Variants in FMN1 observed in about 807,000 individuals in gnomAD.
FMN1 encodes the protein formin 1.
A neutral mutation model predicts 132.4 loss-of-function variants in FMN1; 110 were observed. That is an observed-to-expected ratio of 0.83 (90% confidence interval 0.71 to 0.97). The LOEUF is 0.97. Ranked by LOEUF, FMN1 falls within the 50% of genes least tolerant of loss-of-function variation. The pLI is 0.00. For synonymous variants in FMN1, 722 were observed against 651.7 expected (o/e 1.11, Z -1.64); for missense variants, 1,792 against 1,705.3 (o/e 1.05, Z -0.90).
At chr15:33,172,825 T>C (rs1214159388) in intron 3 of FMN1, among the ~76,000 whole-genome samples, 1 of 152,068 alleles carries the variant, frequency 6.6e-6, no homozygotes, top group African/African-American at 2.4e-5. Context: ...AAAGTGTTTT[T>C]AAAAATAGAA....
intron 7 of FMN1, among the ~76,000 whole-genome samples, chr15:32,981,555 T>A (rs1305030310): frequency 2.0e-5 from 3 of 146,758 alleles, no homozygotes; most frequent in African/African-American, 7.5e-5. Context: ...TTATTATTAT[T>A]ATTATTATTA....
At chr15:33,130,953 A>G (rs1360038802) in intron 4 of FMN1, among the ~76,000 whole-genome samples, 1 of 152,250 alleles carries the variant, frequency 6.6e-6, no homozygotes, top group African/African-American at 2.4e-5. Flanking sequence ...TCTGTAGAGC[A>G]AACAATACTT....
chr15:32,803,694 C>A (rs9806641), intron 18 of FMN1, among the ~76,000 whole-genome samples: 36,665 of 152,036 alleles, frequency 0.24, 4,709 homozygotes, highest in Admixed American at 0.29. Context: ...CATAATAAGT[C>A]TCTTGGGTGT....
chr15:32,864,400 C>A (rs549046987), intron 16 of FMN1, among the ~76,000 whole-genome samples: 8 of 152,326 alleles, frequency 5.3e-5, no homozygotes, highest in African/African-American at 1.9e-4. Context: ...CCATTTTCTA[C>A]TAAATAGCCC....
intron 5 of FMN1, among the ~76,000 whole-genome samples, chr15:33,079,908 G>C (rs964046937): frequency 6.6e-6 from 1 of 152,126 alleles, no homozygotes; most frequent in Non-Finnish European, 1.5e-5. Flanking sequence ...AAATTGATCA[G>C]TTCATCCCTT....
rs1208856034 is a variant in FMN1 at position 32,769,811 on chromosome 15, C to G, written c.*4499G>C. The G allele has an allele frequency of 1.3e-5, 2 of 152,164 alleles. No homozygotes were observed. Among genetic ancestry groups the G allele is most frequent in the African/African-American group, 4.8e-5 (2 of 41,434 alleles). The allele number at this position is 152,164 out of a possible 1,614,324, so 9.4% of individuals were successfully genotyped here. On this transcript the variant is annotated 3_prime_UTR_variant, in exon 21 of 21. Transcript: ENST00000616417. Reference sequence around the variant, plus strand: ...GAATGAAAGTTCACTTCTTTATTCTCTCCACTCTCTTCAGTTGTAGGGTCC... The same window carrying G: ...GAATGAAAGTTCACTTCTTTATTCTGTCCACTCTCTTCAGTTGTAGGGTCC...
intron 7 of FMN1, among the ~76,000 whole-genome samples, chr15:32,983,881 G>C (rs1316466036): frequency 6.6e-6 from 1 of 152,166 alleles, no homozygotes; most frequent in Non-Finnish European, 1.5e-5. Flanking sequence ...AGGATCAGTA[G>C]TAATCCTCTA....
chr15:32,836,880 G>A (rs1040634309), intron 17 of FMN1: 3 of 165,334 alleles, frequency 1.8e-5, no homozygotes, highest in African/African-American at 7.2e-5. Flanking sequence ...GACGATCTGT[G>A]ATTAGATGAA....
Position 32,968,724 on chromosome 15 carries a change from T to C in FMN1, c.2977A>G (p.Ser993Gly). The change falls in exon 8 of 21, where the codon AGT (serine) becomes GGT (glycine). Residue 993 changes from serine (S) to glycine (G), a missense_variant. This residue lies in a region of FMN1 where 1,150 missense variants were observed against 1,043.1 expected (regional missense o/e 1.10). Coordinates refer to ENST00000616417, the MANE Select transcript of FMN1 (RefSeq NM_001277313.2). ...KPLYWTRIQISDRSQNATPTL... is the reference protein window; with the variant it reads ...KPLYWTRIQIGDRSQNATPTL... ...TAGGGGAGAACTTACCTCCTATCAC[T>C]TATTTGTATCCTAGTCCAATATAAA... The C allele has an allele frequency of 6.2e-7, 1 of 1,613,554 alleles. No individual in the cohort carries two copies. The highest frequency in any genetic ancestry group is 8.5e-7 in the Non-Finnish European group (1 of 1,179,696).
chr15:32,880,231 G>C (rs993222530), intron 16 of FMN1, among the ~76,000 whole-genome samples: 2 of 152,068 alleles, frequency 1.3e-5, no homozygotes, highest in Non-Finnish European at 2.9e-5. Flanking sequence ...CTGATATATG[G>C]AAACTCTGAT....
intron 6 of FMN1, among the ~76,000 whole-genome samples, chr15:33,013,597 G>A (rs1211218151): frequency 2.0e-5 from 3 of 152,082 alleles, no homozygotes; most frequent in Non-Finnish European, 4.4e-5. Context: ...AACATTAAAT[G>A]AAAGAAAAAA....
intron 9 of FMN1, among the ~76,000 whole-genome samples, chr15:32,961,378 C>T (rs2030526603): frequency 6.6e-6 from 1 of 152,100 alleles, no homozygotes; most frequent in African/African-American, 2.4e-5. Context: ...AGCTGATTCA[C>T]CCACCTCAGC....
chr15:32,930,706 A>G (rs540437384), intron 9 of FMN1, among the ~76,000 whole-genome samples: 1 of 148,246 alleles, frequency 6.7e-6, no homozygotes, highest in East Asian at 2.0e-4. Flanking sequence ...TGCATCTGTT[A>G]TTTTTGCTTT....
intron 4 of FMN1, among the ~76,000 whole-genome samples, chr15:33,137,329 G>A (rs1175212861): frequency 6.6e-6 from 1 of 152,134 alleles, no homozygotes; most frequent in Non-Finnish European, 1.5e-5. Flanking sequence ...CAGTAGCAAA[G>A]CACCTCTTCT....
Position 33,154,674 on chromosome 15 carries a change from T to C in FMN1, c.241A>G (p.Lys81Glu). 6.5e-7 allele frequency: 1 copy of C among 1,536,122 alleles called. No homozygotes were observed. Among genetic ancestry groups the C allele is most frequent in the Non-Finnish European group, 8.7e-7 (1 of 1,146,914 alleles). ...GDIFFKQTPT[K>E]DILTELYKLT... ...TTGTACAGCTCAGTTAGAATGTCTT[T>C]CGTGGGAGTCTGCTTGAAAAATATG... Residue 81 changes from lysine to glutamate, a missense_variant, in exon 4 of 21, where the codon AAA (lysine) becomes GAA (glutamate). Coordinates refer to ENST00000616417, the MANE Select transcript of FMN1 (RefSeq NM_001277313.2).
chr15:33,062,660 G>A (rs1013326260), intron 6 of FMN1: 18 of 152,050 alleles, frequency 1.2e-4, no homozygotes. Flanking sequence ...AAGAACAGTA[G>A]TCTATAATGA....
At chr15:32,856,205 A>G (rs763101625) in intron 17 of FMN1, among the ~76,000 whole-genome samples, 4 of 152,214 alleles carry the variant, frequency 2.6e-5, no homozygotes, top group Non-Finnish European at 5.9e-5. Context: ...CAGTAATAGA[A>G]AAAGCATGTT....
intron 6 of FMN1, chr15:33,063,820 G>A (rs2037593824): frequency 6.6e-6 from 1 of 152,162 alleles, no homozygotes; most frequent in Non-Finnish European, 1.5e-5. Context: ...GCTCTGCTCA[G>A]ATGAAACAAT....
chr15:33,033,923 G>A (rs1003832648), intron 6 of FMN1, among the ~76,000 whole-genome samples: 2 of 152,056 alleles, frequency 1.3e-5, no homozygotes, highest in African/African-American at 4.8e-5. Context: ...TCAGAGCTCC[G>A]TAGTCTCTTA....
Sources: allele counts gnomAD v4.1 joint callset (sites outside exome capture counted in the v4.1 genomes callset), GRCh38; gene constraint gnomAD v4.1.1; regional missense constraint gnomAD v4.1.1; transcripts MANE v1.5; gene names NCBI Gene and HGNC (gene_info 2026-07-23, HGNC 2026-07-21).